Variants in METTL14 observed in about 807,000 individuals in gnomAD.
METTL14 encodes the protein methyltransferase 14, N6-adenosine-methyltransferase non-catalytic subunit, also known as N(6)-adenosine-methyltransferase non-catalytic subunit METTL14.
In METTL14, 32 loss-of-function variants were observed where a neutral mutation model predicts 62.4. The observed-to-expected ratio is 0.51, with a 90% CI of 0.39 to 0.69. The LOEUF (loss-of-function observed/expected upper bound fraction) is 0.69, where lower values mean the gene tolerates loss of function less well. Ranked by LOEUF, METTL14 falls within the 30% of genes least tolerant of loss-of-function variation. The probability of loss-of-function intolerance (pLI) is 0.00; values close to 1 mark genes in which losing one functional copy is unlikely to be tolerated. For synonymous variants in METTL14, 150 were observed against 180.0 expected, an observed-to-expected ratio of 0.83 and a Z score of 1.34; for missense variants, 340 against 551.9, an observed-to-expected ratio of 0.62 and a Z score of 3.85.
At chr4:118,702,350 A>G (rs1724620162) in intron 8 of METTL14, among the ~76,000 whole-genome samples, 1 of 152,204 alleles carries the variant, frequency 6.6e-6, no homozygotes, top group Admixed American at 6.5e-5. Flanking sequence ...AGCATGAGAA[A>G]TACTCATGAG....
At chr4:118,696,932 ATG>A (rs1330891622) in intron 6 of METTL14, among the ~76,000 whole-genome samples, 1 of 152,166 alleles carries the variant, frequency 6.6e-6, no homozygotes, top group Non-Finnish European at 1.5e-5. Flanking sequence ...GACTTTTACT[ATG>A]TAGTTTAATT....
chr4:118,695,717 A>G (rs1239203816), intron 6 of METTL14, among the ~76,000 whole-genome samples: 1 of 152,230 alleles, frequency 6.6e-6, no homozygotes, highest in Non-Finnish European at 1.5e-5. Context: ...ATTCATTTCA[A>G]CCGTTGCTAA....
intron 9 of METTL14, 21 bp downstream of exon 9, chr4:118,704,072 T>G: frequency 7.2e-7 from 1 of 1,388,518 alleles, no homozygotes; most frequent in East Asian, 2.3e-5. Flanking sequence ...TACTGATTTG[T>G]TTTTTTTAAT....
Position 118,685,489 on chromosome 4 carries a change from T to G in METTL14, c.-46T>G. 6.3e-7 allele frequency: 1 copy of G among 1,578,826 alleles called. No individual in the cohort carries two copies. The highest frequency in any genetic ancestry group is 1.3e-5 in the African/African-American group (1 of 74,408). ...GAAGAAAGGTTGGATAAGAGTTCACTGGAGATTGACAAGTACTCGGGATAG... is the reference window on the plus strand; with the variant it reads ...GAAGAAAGGTTGGATAAGAGTTCACGGGAGATTGACAAGTACTCGGGATAG... On this transcript the variant is annotated 5_prime_UTR_variant, in exon 1 of 11. Coordinates refer to ENST00000388822, the MANE Select transcript of METTL14 (RefSeq NM_020961.4).
chr4:118,707,838 A>G (rs1410925376), intron 10 of METTL14, among the ~76,000 whole-genome samples: 1 of 141,858 alleles, frequency 7.0e-6, no homozygotes, highest in Non-Finnish European at 1.5e-5. Context: ...AAGCCAGACA[A>G]TTTTTTTTTT....
At chr4:118,689,688 G>A (rs1724186195) in intron 3 of METTL14, among the ~76,000 whole-genome samples, 1 of 151,050 alleles carries the variant, frequency 6.6e-6, no homozygotes, top group Non-Finnish European at 1.5e-5. Flanking sequence ...CTGTCGCCAG[G>A]CTGGAGTGTA....
At chr4:118,709,139 G>A (rs1724846481) in intron 10 of METTL14, among the ~76,000 whole-genome samples, 1 of 152,160 alleles carries the variant, frequency 6.6e-6, no homozygotes, top group African/African-American at 2.4e-5. Flanking sequence ...CAGGTTGACA[G>A]GATAGAAAAG....
chr4:118,715,315 G>A lies in METTL14; in HGVS notation c.*5013G>A, dbSNP rs954924956. The A allele has an allele frequency of 1.3e-5, 2 of 152,298 alleles. No individual in the cohort carries two copies. Among genetic ancestry groups the A allele is most frequent in the South Asian group, 4.1e-4 (2 of 4,824 alleles). The allele number at this position is 152,298 out of a possible 1,614,324, so 9.4% of individuals were successfully genotyped here. ...TTGTTCTGATATATCCAGTTTAGTA[G>A]TTTATGCTGGTTAAATGATCAAAGT... On this transcript the variant is annotated 3_prime_UTR_variant, in exon 11 of 11. Coordinates refer to ENST00000388822, the MANE Select transcript of METTL14 (RefSeq NM_020961.4).
rs556687063 is a variant in METTL14 at position 118,694,626 on chromosome 4, T to A, written c.503+100T>A. On this transcript the variant is annotated intron_variant, in intron 6 of 10. Coordinates refer to ENST00000388822, the MANE Select transcript of METTL14 (RefSeq NM_020961.4). ...TTTTCTTCTTCCTAAATTCAGCACT[T>A]ATGTTAACATGCTTTATTACTCTGT... 287 of 828,142 alleles carry A rather than the reference T, an allele frequency of 3.5e-4. No individual in the cohort carries two copies. In the African/African-American group the frequency reaches 3.9e-3, roughly 11 times the overall value. The allele number at this position is 828,142 out of a possible 1,614,324, so 51.3% of individuals were successfully genotyped here.
chr4:118,693,433 C>T (rs1724314595), intron 5 of METTL14, among the ~76,000 whole-genome samples: 1 of 151,952 alleles, frequency 6.6e-6, no homozygotes, highest in East Asian at 1.9e-4. Flanking sequence ...GTCTCTTAAC[C>T]TGATGAATAA....
At chr4:118,693,759 T>C (rs561989822) in intron 5 of METTL14, among the ~76,000 whole-genome samples, 3 of 152,186 alleles carry the variant, frequency 2.0e-5, no homozygotes, top group Admixed American at 6.5e-5. Flanking sequence ...TTCTGTTTTA[T>C]AGGTGATTAG....
At chr4:118,703,625 T>C (rs760821857) in intron 8 of METTL14, among the ~76,000 whole-genome samples, 14 of 152,242 alleles carry the variant, frequency 9.2e-5, no homozygotes, top group Non-Finnish European at 1.8e-4. Flanking sequence ...TGCTTACAAT[T>C]TAAAACCCCA....
chr4:118,705,935 G>A, intron 10 of METTL14, 114 bp downstream of exon 10: 1 of 856,038 alleles, frequency 1.2e-6, no homozygotes, highest in Non-Finnish European at 1.8e-6. Flanking sequence ...TTTTCTTGCT[G>A]TACTTCAAAT....
At position 118,710,360 on chromosome 4, in the gene METTL14, T is replaced by G; in HGVS notation, c.*58T>G. 1 of 1,478,184 alleles carries G rather than the reference T, an allele frequency of 6.8e-7. No homozygotes were observed. Among genetic ancestry groups the G allele is most frequent in the South Asian group, 1.4e-5 (1 of 72,346 alleles). The allele number at this position is 1,478,184 out of a possible 1,614,324, so 91.6% of individuals were successfully genotyped here. A position where few individuals can be genotyped will look rare whatever the true frequency, so the allele number is the denominator to read the frequency against. Reference sequence around the variant, plus strand: ...CTAACCTTCTTTATTGTAATTAAATTTCAAGTGGGAGACTTAACTTTAGAA... The same window carrying G: ...CTAACCTTCTTTATTGTAATTAAATGTCAAGTGGGAGACTTAACTTTAGAA... On this transcript the variant is annotated 3_prime_UTR_variant, in exon 11 of 11. Transcript: ENST00000388822.
chr4:118,711,993 A>G lies in METTL14; in HGVS notation c.*1691A>G, dbSNP rs1390714774. On this transcript the variant is annotated 3_prime_UTR_variant, in exon 11 of 11. Transcript: ENST00000388822. ...GATCAGTGTCACAATTTCATCTTAGAAAGAGGTAGGTATGGCTGCTTTGTC... is the reference window on the plus strand; with the variant it reads ...GATCAGTGTCACAATTTCATCTTAGGAAGAGGTAGGTATGGCTGCTTTGTC... 1 of 152,208 alleles carries G rather than the reference A, an allele frequency of 6.6e-6. No homozygotes were observed. Among genetic ancestry groups the G allele is most frequent in the Non-Finnish European group, 1.5e-5 (1 of 68,036 alleles). 9.4% of individuals were successfully genotyped at this position (152,208 alleles called of 1,614,324 possible).
rs930029369 is a variant in METTL14 at position 118,712,695 on chromosome 4, C to T, written c.*2393C>T. 1.3e-5 allele frequency: 2 copies of T among 151,860 alleles called. No homozygotes were observed. The highest frequency in any genetic ancestry group is 4.8e-5 in the African/African-American group (2 of 41,342). 9.4% of individuals were successfully genotyped at this position (151,860 alleles called of 1,614,324 possible). On this transcript the variant is annotated 3_prime_UTR_variant, in exon 11 of 11. Transcript: ENST00000388822. Reference sequence around the variant, plus strand: ...ACTAATTCCTTACTGGGGATAGAAGCTAATTATTGTGAAATAACCTAGTTT... The same window carrying T: ...ACTAATTCCTTACTGGGGATAGAAGTTAATTATTGTGAAATAACCTAGTTT...
Position 118,688,025 on chromosome 4 carries a change from T to C in METTL14, c.155+14T>C. The C allele has an allele frequency of 6.4e-7, 1 of 1,553,178 alleles. No individual in the cohort carries two copies. Among genetic ancestry groups the C allele is most frequent in the East Asian group, 2.3e-5 (1 of 43,912 alleles). ...AGAAACTTGCAGGTCAGTCAGATAATTCTTTTTTTTTTTTTTTTTGAGACA... is the reference window on the plus strand; with the variant it reads ...AGAAACTTGCAGGTCAGTCAGATAACTCTTTTTTTTTTTTTTTTTGAGACA... On this transcript the variant is annotated intron_variant, in intron 2 of 10. Transcript: ENST00000388822.
chr4:118,697,056 G>C, intron 6 of METTL14, 126 bp from the exon 7 acceptor site: 1 of 662,310 alleles, frequency 1.5e-6, no homozygotes, highest in Non-Finnish European at 2.4e-6. Context: ...TTTGTAAATA[G>C]TGTTTAGTAA....
intron 9 of METTL14, among the ~76,000 whole-genome samples, chr4:118,704,401 G>A (rs1197322038): frequency 1.3e-5 from 2 of 152,288 alleles, no homozygotes; most frequent in Admixed American, 6.5e-5. Flanking sequence ...GCTTAGAGAC[G>A]TATTTCTCTC....
Sources: allele counts gnomAD v4.1 joint callset (sites outside exome capture counted in the v4.1 genomes callset), GRCh38; gene constraint gnomAD v4.1.1; transcripts MANE v1.5; gene names NCBI Gene and HGNC (gene_info 2026-07-23, HGNC 2026-07-21).